SMYD3: variants seen among roughly 807,000 people sequenced by gnomAD.
SMYD3 encodes histone-lysine N-methyltransferase SMYD3.
A neutral mutation model predicts 57.7 loss-of-function variants in SMYD3; 36 were observed. The ratio of observed to expected loss-of-function variants is 0.62; its 90% CI spans 0.48 to 0.82. SMYD3 has a LOEUF of 0.82. Among genes scored for constraint, SMYD3 ranks in the 40% least tolerant of loss-of-function variants. SMYD3 has a pLI of 0.00. For synonymous variants in SMYD3, 211 were observed against 195.0 expected (o/e 1.08, Z -0.68); for missense variants, 515 against 538.8 (o/e 0.96, Z 0.44).
chr1:245,773,530 C>T (rs988078969), intron 10 of SMYD3, among the ~76,000 whole-genome samples: 3 of 152,166 alleles, frequency 2.0e-5, no homozygotes, highest in Admixed American at 6.5e-5. Context: ...CTCAGTGTGG[C>T]GCAGGGGTGA....
intron 1 of SMYD3, among the ~76,000 whole-genome samples, chr1:246,411,781 C>T (rs1215969507): frequency 2.9e-5 from 4 of 135,714 alleles, no homozygotes; most frequent in Non-Finnish European, 6.1e-5. Flanking sequence ...ACAATGAGAA[C>T]GCATGGACAC....
At chr1:245,776,114 A>G (rs2046579965) in intron 10 of SMYD3, among the ~76,000 whole-genome samples, 1 of 152,206 alleles carries the variant, frequency 6.6e-6, no homozygotes, top group Non-Finnish European at 1.5e-5. Context: ...AAAGTAACAT[A>G]CTTTCTTTAC....
At chr1:246,109,302 T>C (rs2061186248) in intron 5 of SMYD3, among the ~76,000 whole-genome samples, 1 of 152,166 alleles carries the variant, frequency 6.6e-6, no homozygotes, top group African/African-American at 2.4e-5. Context: ...TGGAAACAGC[T>C]CACATACAAT....
chr1:246,129,402 A>G (rs1320906056), intron 5 of SMYD3, among the ~76,000 whole-genome samples: 2 of 149,116 alleles, frequency 1.3e-5, no homozygotes, highest in African/African-American at 5.1e-5. Context: ...CATCAAATAC[A>G]GTAAAAAAAA....
chr1:246,442,841 T>C (rs2340780), intron 1 of SMYD3, among the ~76,000 whole-genome samples: 113,880 of 151,916 alleles, frequency 0.75, 43,874 homozygotes, highest in Non-Finnish European at 0.84. Flanking sequence ...TAGATGATCT[T>C]GGGAGCCAGA....
chr1:245,769,331 GA>G (rs1220234120), intron 10 of SMYD3, among the ~76,000 whole-genome samples: 1 of 152,132 alleles, frequency 6.6e-6, no homozygotes, highest in Non-Finnish European at 1.5e-5. Flanking sequence ...ACCCCTCAAC[GA>G]TCCTTGTGAA....
At chr1:245,770,657 A>C (rs1378045067) in intron 10 of SMYD3, among the ~76,000 whole-genome samples, 1 of 152,234 alleles carries the variant, frequency 6.6e-6, no homozygotes, top group Non-Finnish European at 1.5e-5. Context: ...CTGAAAACCA[A>C]GAAGAACAAT....
At chr1:246,338,724 G>A (rs1421379355) in intron 2 of SMYD3, among the ~76,000 whole-genome samples, 1 of 152,136 alleles carries the variant, frequency 6.6e-6, no homozygotes, top group Non-Finnish European at 1.5e-5. Context: ...AACAACTTCA[G>A]AATCTATACA....
intron 9 of SMYD3, among the ~76,000 whole-genome samples, chr1:245,859,051 T>C (rs2051400804): frequency 6.6e-6 from 1 of 152,232 alleles, no homozygotes; most frequent in Non-Finnish European, 1.5e-5. Flanking sequence ...TCTGTTAGCT[T>C]CTGTTTAAAA....
intron 5 of SMYD3, among the ~76,000 whole-genome samples, chr1:246,003,488 TCCTCTCAGA>T (rs1330581472): frequency 1.3e-5 from 2 of 152,230 alleles, no homozygotes; most frequent in Non-Finnish European, 2.9e-5. Context: ...ATGGATTATC[TCCTCTCAGA>T]ACAATTGTAG....
At chr1:245,803,452 C>A (rs2791400) in intron 10 of SMYD3, among the ~76,000 whole-genome samples, 108,815 of 152,168 alleles carry the variant, frequency 0.72, 39,853 homozygotes, top group African/African-American at 0.87. Context: ...CACAGGTCAA[C>A]AATGGTGACT....
intron 5 of SMYD3, among the ~76,000 whole-genome samples, chr1:246,317,108 T>A (rs2065174001): frequency 6.6e-6 from 1 of 152,176 alleles, no homozygotes; most frequent in Admixed American, 6.5e-5. Flanking sequence ...ATAATTTCTT[T>A]CTCTCTTTAG....
At chr1:246,057,423 T>C (rs890709442) in intron 5 of SMYD3, among the ~76,000 whole-genome samples, 6 of 152,204 alleles carry the variant, frequency 3.9e-5, no homozygotes, top group Admixed American at 6.5e-5. Flanking sequence ...TCCCTTAAAA[T>C]GCATTGCTGT....
intron 1 of SMYD3, among the ~76,000 whole-genome samples, chr1:246,448,390 A>T (rs1331533356): frequency 6.6e-6 from 1 of 151,902 alleles, no homozygotes; most frequent in East Asian, 1.9e-4. Flanking sequence ...AACTGTCATT[A>T]TCCTATGAAA....
At chr1:246,333,756 T>A (rs1168248721) in intron 3 of SMYD3, among the ~76,000 whole-genome samples, 3 of 151,336 alleles carry the variant, frequency 2.0e-5, no homozygotes. Context: ...CGTGGTGGCA[T>A]GCACCTGTGG....
chr1:246,290,609 T>C (rs950426479), intron 5 of SMYD3, among the ~76,000 whole-genome samples: 1 of 152,182 alleles, frequency 6.6e-6, no homozygotes, highest in African/African-American at 2.4e-5. Flanking sequence ...CATGCTCAAG[T>C]GTCTGGAGTT....
chr1:246,250,963 T>G (rs1450354946), intron 5 of SMYD3, among the ~76,000 whole-genome samples: 1 of 152,244 alleles, frequency 6.6e-6, no homozygotes, highest in Non-Finnish European at 1.5e-5. Flanking sequence ...CTATTTTTTC[T>G]GTAATTTTTG....
At chr1:246,362,893 G>C (rs11809770) in intron 1 of SMYD3, among the ~76,000 whole-genome samples, 2 of 151,996 alleles carry the variant, frequency 1.3e-5, no homozygotes, top group African/African-American at 4.8e-5. Flanking sequence ...CCCCGTCTGG[G>C]AAGTGAGGAG....
At chr1:245,817,340 C>T (rs74517386) in intron 10 of SMYD3, among the ~76,000 whole-genome samples, 7,012 of 139,018 alleles carry the variant, frequency 0.05, 422 homozygotes, top group Middle Eastern at 0.12. Context: ...GAGGGTCCTG[C>T]CTGTTAGAAG....
Sources: allele counts gnomAD v4.1 joint callset (sites outside exome capture counted in the v4.1 genomes callset), GRCh38; gene constraint gnomAD v4.1.1; transcripts MANE v1.5; gene names NCBI Gene and HGNC (gene_info 2026-07-23, HGNC 2026-07-21).